Variants in DYNC1I1 observed in about 807,000 individuals in gnomAD.
DYNC1I1 encodes cytoplasmic dynein 1 intermediate chain 1.
DYNC1I1 carries 43 observed loss-of-function variants against 86.6 expected under a neutral mutation model. That is an observed-to-expected ratio of 0.50 (90% CI 0.39 to 0.64). The LOEUF (loss-of-function observed/expected upper bound fraction) is 0.64. Ranked by LOEUF, DYNC1I1 falls within the 30% of genes least tolerant of loss-of-function variation. DYNC1I1 has a pLI of 0.00. For missense variants in DYNC1I1, 604 were observed against 788.8 expected, an observed-to-expected ratio of 0.77 and a Z score of 2.81; for synonymous variants, 262 against 283.7, an observed-to-expected ratio of 0.92 and a Z score of 0.77.
At chr7:96,053,211 A>C (rs1042711858) in intron 14 of DYNC1I1, among the ~76,000 whole-genome samples, 41 of 152,236 alleles carry the variant, frequency 2.7e-4, no homozygotes, top group Non-Finnish European at 4.4e-5. Context: ...TTATGATTAC[A>C]ATAGTCATAA....
chr7:96,102,409 G>T (rs1053732390), downstream of DYNC1I1, among the ~76,000 whole-genome samples: 7 of 152,144 alleles, frequency 4.6e-5, no homozygotes, highest in African/African-American at 1.7e-4. Flanking sequence ...AATCAAGGAA[G>T]ATTTAAGGAC....
At chr7:96,014,759 G>A (rs1301558974) in intron 10 of DYNC1I1, among the ~76,000 whole-genome samples, 1 of 152,190 alleles carries the variant, frequency 6.6e-6, no homozygotes, top group Non-Finnish European at 1.5e-5. Flanking sequence ...TAGTCACTTT[G>A]TGAAGTACTG....
At chr7:95,938,269 G>C (rs1792103519) in intron 6 of DYNC1I1, among the ~76,000 whole-genome samples, 1 of 152,150 alleles carries the variant, frequency 6.6e-6, no homozygotes, top group African/African-American at 2.4e-5. Flanking sequence ...AGGCTAATCT[G>C]ATAAACTATT....
intron 1 of DYNC1I1, among the ~76,000 whole-genome samples, chr7:95,800,963 G>A (rs898757024): frequency 1.3e-5 from 2 of 152,150 alleles, no homozygotes; most frequent in South Asian, 2.1e-4. Flanking sequence ...GAAATCCTAC[G>A]GAGTTCACTG....
chr7:95,821,191 T>C (rs1379421249), intron 4 of DYNC1I1, among the ~76,000 whole-genome samples: 1 of 152,248 alleles, frequency 6.6e-6, no homozygotes, highest in Non-Finnish European at 1.5e-5. Context: ...ATTGAGAATT[T>C]ATTGTCTATC....
intron 5 of DYNC1I1, among the ~76,000 whole-genome samples, chr7:95,864,417 A>G (rs943621920): frequency 5.3e-5 from 8 of 152,218 alleles, no homozygotes; most frequent in African/African-American, 1.9e-4. Flanking sequence ...ATTCTTTAGT[A>G]AGACCTGATT....
At chr7:96,109,574 T>G (rs1242300298) in intron 16 of DYNC1I1, among the ~76,000 whole-genome samples, 2 of 152,148 alleles carry the variant, frequency 1.3e-5, no homozygotes, top group African/African-American at 4.8e-5. Context: ...TATATTTTTA[T>G]ATGTTGTGTT....
At chr7:96,018,521 C>T (rs866102183) in intron 10 of DYNC1I1, among the ~76,000 whole-genome samples, 11 of 152,178 alleles carry the variant, frequency 7.2e-5, no homozygotes, top group South Asian at 2.1e-4. Flanking sequence ...GAATGCTGGC[C>T]GCAAGTAAAT....
At position 95,897,387 on chromosome 7, in the gene DYNC1I1, C is replaced by T. The variant is rs138182767; in HGVS notation, c.490+27389C>T. Among the ~76,000 whole-genome samples the T allele has an allele frequency of 9.1e-4, 138 of 152,142 alleles. 1 individual carries two copies. The highest frequency in any genetic ancestry group is 2.6e-3 in the African/African-American group (110 of 41,512). On this transcript the variant is annotated intron_variant, in intron 6 of 16. Transcript: ENST00000447467. ...ATACACCATATAGAAAGTCACCTCT[C>T]TCCCTGCCCCCCAGACAGTGTAGCC...
chr7:95,780,273 T>C (rs991781419), intron 1 of DYNC1I1, among the ~76,000 whole-genome samples: 3 of 146,022 alleles, frequency 2.1e-5, no homozygotes, highest in Non-Finnish European at 4.6e-5. Flanking sequence ...CTTCCCCCAC[T>C]TTTTTTTTTT....
At chr7:96,104,009 T>C (rs938747559) in intron 16 of DYNC1I1, among the ~76,000 whole-genome samples, 1 of 152,224 alleles carries the variant, frequency 6.6e-6, no homozygotes, top group Non-Finnish European at 1.5e-5. Flanking sequence ...GGTATCTAGC[T>C]GTGGTTTTAG....
At chr7:95,907,119 C>T (rs890670412) in intron 6 of DYNC1I1, among the ~76,000 whole-genome samples, 2 of 152,106 alleles carry the variant, frequency 1.3e-5, no homozygotes, top group Admixed American at 1.3e-4. Context: ...GCTTTGAAAT[C>T]GGCAGCTCAG....
chr7:95,828,448 C>T (rs1199295119), intron 5 of DYNC1I1, among the ~76,000 whole-genome samples: 1 of 152,180 alleles, frequency 6.6e-6, no homozygotes, highest in African/African-American at 2.4e-5. Context: ...GCTTTATCAT[C>T]ACCATCCTCC....
intron 14 of DYNC1I1, among the ~76,000 whole-genome samples, chr7:96,041,069 G>GTTC (rs1186176384): frequency 2.6e-5 from 4 of 151,994 alleles, no homozygotes; most frequent in Admixed American, 2.6e-4. Context: ...TGGAGGGAGA[G>GTTC]CAATACTTAG....
intron 6 of DYNC1I1, among the ~76,000 whole-genome samples, chr7:95,880,193 A>G (rs1790415607): frequency 6.6e-6 from 1 of 152,196 alleles, no homozygotes; most frequent in Non-Finnish European, 1.5e-5. Context: ...ACCTTGGTAC[A>G]TTGCCTGGAA....
At chr7:95,782,706 C>T (rs554447348) in intron 1 of DYNC1I1, among the ~76,000 whole-genome samples, 21 of 152,226 alleles carry the variant, frequency 1.4e-4, no homozygotes, top group African/African-American at 2.4e-4. Context: ...CATACTTGTC[C>T]GGCATCCAGG....
At chr7:95,904,260 G>A (rs1410573707) in intron 6 of DYNC1I1, among the ~76,000 whole-genome samples, 2 of 152,038 alleles carry the variant, frequency 1.3e-5, no homozygotes, top group Admixed American at 6.5e-5. Flanking sequence ...CAGACCTCAG[G>A]CCCTTGATCC....
rs186675483 is a variant in DYNC1I1 at position 96,067,584 on chromosome 7, C to T, written c.1510-8473C>T. ...ATACTTCCTGTCCTTTTACCTCCAC[C>T]TCTACCCTACCCACCCCCAAACATT... is the stretch of plus-strand genomic sequence containing the variant. On this transcript the variant is annotated intron_variant, in intron 14 of 16. Coordinates refer to ENST00000447467, the MANE Select transcript of DYNC1I1 (RefSeq NM_001135556.2). 2.8e-3 allele frequency among the ~76,000 whole-genome samples: 424 copies of T among 152,120 alleles called. 1 individual carries two copies. The highest frequency in any genetic ancestry group is 4.9e-3 in the Non-Finnish European group (336 of 67,968).
chr7:95,875,400 C>T lies in DYNC1I1; in HGVS notation c.490+5402C>T, dbSNP rs570398394. Reference sequence around the variant, plus strand: ...ATAAATCAGAGGTGCCGAGAGAATGCAGTTCCTTTATTTTATCTGCAGCCA... The same window carrying T: ...ATAAATCAGAGGTGCCGAGAGAATGTAGTTCCTTTATTTTATCTGCAGCCA... On this transcript the variant is annotated intron_variant, in intron 6 of 16. Transcript: ENST00000447467. Among the ~76,000 whole-genome samples the T allele has an allele frequency of 7.9e-5, 12 of 152,318 alleles. No homozygotes were observed. In the East Asian group the frequency reaches 2.3e-3, roughly 29 times the overall value.
Sources: allele counts gnomAD v4.1 joint callset (sites outside exome capture counted in the v4.1 genomes callset), GRCh38; gene constraint gnomAD v4.1.1; transcripts MANE v1.5; gene names NCBI Gene and HGNC (gene_info 2026-07-23, HGNC 2026-07-21).